Variants in SLC4A4 observed in about 807,000 individuals in gnomAD.
SLC4A4 encodes the protein solute carrier family 4 member 4.
In SLC4A4, 27 loss-of-function variants were observed where a neutral mutation model predicts 111.5. The ratio of observed to expected loss-of-function variants is 0.24; its 90% CI spans 0.18 to 0.33. The LOEUF is 0.33. Ranked by LOEUF, SLC4A4 falls within the 10% of genes least tolerant of loss-of-function variation. The pLI is 1.00. For missense variants in SLC4A4, 909 were observed against 1,315.5 expected, an observed-to-expected ratio of 0.69 and a Z score of 4.78; for synonymous variants, 443 against 463.4, an observed-to-expected ratio of 0.96 and a Z score of 0.57.
chr4:71,194,305 T>G (rs1266395857), intron 1 of SLC4A4, among the ~76,000 whole-genome samples: 3 of 152,238 alleles, frequency 2.0e-5, no homozygotes, highest in Non-Finnish European at 4.4e-5. Flanking sequence ...GTTATTATTA[T>G]TGTTATTGTA....
rs138417432 is a variant in SLC4A4, at chr4:71,524,947, G to A, written c.2167-7115G>A. On this transcript the variant is annotated intron_variant, in intron 16 of 25. Transcript: ENST00000264485. ...TTGAGAACTGCTCTGTAGACTCATG[G>A]CCCTTTCCCTCCAGTTAATTTAGGA... Among the ~76,000 whole-genome samples the A allele has an allele frequency of 4.5e-3, 685 of 152,136 alleles. 7 individuals are homozygous for A. Among genetic ancestry groups the A allele is most frequent in the African/African-American group, 0.015 (637 of 41,508 alleles).
At chr4:71,320,107 C>T (rs1171065669) in intron 3 of SLC4A4, among the ~76,000 whole-genome samples, 1 of 151,968 alleles carries the variant, frequency 6.6e-6, no homozygotes, top group Admixed American at 6.6e-5. Flanking sequence ...GTGAATTCTC[C>T]TAAAACTTAT....
chr4:71,172,548 C>T (rs1744975073), intron 2 of SLC4A4, among the ~76,000 whole-genome samples: 1 of 152,226 alleles, frequency 6.6e-6, no homozygotes, highest in Non-Finnish European at 1.5e-5. Context: ...GCCACCGTGC[C>T]TGGCCTAGCA....
chr4:71,429,413 GAA>G (rs1223502177), intron 7 of SLC4A4, among the ~76,000 whole-genome samples: 1 of 151,950 alleles, frequency 6.6e-6, no homozygotes, highest in Non-Finnish European at 1.5e-5. Context: ...CAGAAAATAA[GAA>G]AGGTTAAAAA....
intron 6 of SLC4A4, among the ~76,000 whole-genome samples, chr4:71,396,794 G>A (rs1195186720): frequency 1.3e-5 from 2 of 152,148 alleles, no homozygotes; most frequent in Non-Finnish European, 2.9e-5. Flanking sequence ...ATCATTGGAT[G>A]GATCACCGGT....
intron 8 of SLC4A4, among the ~76,000 whole-genome samples, chr4:71,441,968 A>G (rs1724760062): frequency 6.6e-6 from 1 of 152,194 alleles, no homozygotes. Context: ...TTGTGGTTCT[A>G]TCTGTGCAGT....
rs200110946 is a variant in SLC4A4 at position 71,497,463 on chromosome 4, A to G, written c.1975-38A>G. ...ATCAAAGGCTGCTTTTTATATGTCA[A>G]TGTTCTCTAGAAAAATTTTAATGTT... On this transcript the variant is annotated intron_variant, in intron 15 of 25. Transcript: ENST00000264485. The G allele has an allele frequency of 6.3e-4, 976 of 1,549,596 alleles. 5 individuals are homozygous for G. The highest frequency in any genetic ancestry group is 3.9e-3 in the South Asian group (342 of 88,778).
chr4:71,355,719 A>G (rs1730225785), intron 5 of SLC4A4, among the ~76,000 whole-genome samples: 1 of 152,208 alleles, frequency 6.6e-6, no homozygotes, highest in Non-Finnish European at 1.5e-5. Context: ...TGTTTAGAAG[A>G]TGGACTTTTG....
chr4:71,321,240 C>A (rs974932870), intron 3 of SLC4A4, among the ~76,000 whole-genome samples: 5 of 151,906 alleles, frequency 3.3e-5, no homozygotes, highest in Non-Finnish European at 5.9e-5. Context: ...AAATTATGAA[C>A]CTCTGCGTTA....
At chr4:71,448,221 G>A (rs536180795) in intron 9 of SLC4A4, among the ~76,000 whole-genome samples, 47 of 150,944 alleles carry the variant, frequency 3.1e-4, no homozygotes, top group Admixed American at 1.4e-3. Context: ...TCAGAAGGCT[G>A]AGGCAGGAGA....
chr4:71,279,556 G>C (rs1410431373), intron 3 of SLC4A4, among the ~76,000 whole-genome samples: 3 of 151,932 alleles, frequency 2.0e-5, no homozygotes, highest in Non-Finnish European at 4.4e-5. Flanking sequence ...TTGGCTATTG[G>C]TGAATAATGT....
chr4:71,267,400 A>G (rs1028778284), intron 3 of SLC4A4, among the ~76,000 whole-genome samples: 6 of 152,184 alleles, frequency 3.9e-5, no homozygotes, highest in African/African-American at 1.4e-4. Context: ...TCACAAGAAG[A>G]GCACAAAACA....
intron 1 of SLC4A4, among the ~76,000 whole-genome samples, chr4:71,211,892 C>T (rs185039231): frequency 5.3e-5 from 8 of 151,196 alleles, no homozygotes; most frequent in African/African-American, 1.2e-4. Flanking sequence ...GCTCTTGCAG[C>T]GAAGGAAAAT....
At chr4:71,551,981 C>A (rs918901701) in intron 20 of SLC4A4, among the ~76,000 whole-genome samples, 1 of 151,886 alleles carries the variant, frequency 6.6e-6, no homozygotes, top group Non-Finnish European at 1.5e-5. Flanking sequence ...GGCTTTGAAT[C>A]TGACCTTTGC....
At chr4:71,151,802 T>G (rs578212023) in intron 2 of SLC4A4, among the ~76,000 whole-genome samples, 1 of 151,058 alleles carries the variant, frequency 6.6e-6, no homozygotes, top group Non-Finnish European at 1.5e-5. Flanking sequence ...GACTCATGCC[T>G]GTAATCCCAG....
chr4:71,273,678 CTTT>C (rs772319559), intron 3 of SLC4A4, among the ~76,000 whole-genome samples: 12 of 134,144 alleles, frequency 8.9e-5, no homozygotes, highest in African/African-American at 2.9e-4. Flanking sequence ...TTCTAGAATT[CTTT>C]TTTTTTTTTT....
At chr4:71,142,990 C>T (rs111380409) in intron 2 of SLC4A4, among the ~76,000 whole-genome samples, 2,644 of 151,762 alleles carry the variant, frequency 0.017, 88 homozygotes, top group African/African-American at 0.061. Flanking sequence ...GGTACATGTG[C>T]ACAACCTGCA....
chr4:71,437,067 G>A, intron 7 of SLC4A4: 2 of 411,782 alleles, frequency 4.9e-6, no homozygotes, highest in East Asian at 1.5e-4. Context: ...CTATCTCATA[G>A]CCACAGGCAA....
chr4:71,519,034 G>A (rs2149189005), intron 16 of SLC4A4, among the ~76,000 whole-genome samples: 1 of 152,284 alleles, frequency 6.6e-6, no homozygotes, highest in East Asian at 1.9e-4. Flanking sequence ...AAGGGGTAAT[G>A]TGGAGAGTGT....
Sources: gnomAD v4.1 joint callset for allele counts (sites outside exome capture counted in the v4.1 genomes callset) on GRCh38, gnomAD v4.1.1 for gene constraint, MANE v1.5 for transcripts, NCBI Gene and HGNC (gene_info 2026-07-23, HGNC 2026-07-21) for gene names.